The following RAE1 variants were observed in gnomAD, a reference collection of about 807,000 sequenced individuals.
The protein encoded by RAE1 is mRNA export factor RAE1.
A neutral mutation model predicts 52.7 loss-of-function variants in RAE1; 13 were observed. That is an observed-to-expected ratio of 0.25 (90% CI 0.16 to 0.39). The LOEUF (loss-of-function observed/expected upper bound fraction) is 0.39. Among genes scored for constraint, RAE1 ranks in the 10% least tolerant of loss-of-function variants. RAE1 has a pLI of 1.00. For missense variants in RAE1, 262 were observed against 459.8 expected, an observed-to-expected ratio of 0.57 and a Z score of 3.93; for synonymous variants, 164 against 153.1, an observed-to-expected ratio of 1.07 and a Z score of -0.52.
intron 1 of RAE1, 150 bp from the exon 2 acceptor site, chr20:57,353,882 A>C (rs1181447528): frequency 1.6e-6 from 1 of 606,564 alleles, no homozygotes; most frequent in Non-Finnish European, 2.9e-6. Context: ...ATGTTTTGAA[A>C]GCACTCTGCT....
In RAE1 at chr20:57,373,543, G is replaced by A. The variant is rs1412866267; in HGVS notation, c.711G>A (p.Glu237=). The change falls in exon 9 of 12, where the codon GAG becomes GAA. Residue 237 remains glutamate, a synonymous_variant. Transcript: ENST00000395841. ...KPTGFALGSI[E]GRVAIHYINP... ...CTGGTTTTGCCCTGGGAAGTATCGAGGGGAGAGTTGCTATTCACTATATCA... is the reference window on the plus strand; with the variant it reads ...CTGGTTTTGCCCTGGGAAGTATCGAAGGGAGAGTTGCTATTCACTATATCA... 7 of 1,614,104 alleles carry A rather than the reference G, an allele frequency of 4.3e-6. No individual in the cohort carries two copies. Among genetic ancestry groups the A allele is most frequent in the East Asian group, 2.2e-5 (1 of 44,872 alleles).
chr20:57,355,160 C>G (rs922925237), intron 3 of RAE1, among the ~76,000 whole-genome samples: 1 of 152,208 alleles, frequency 6.6e-6, no homozygotes, highest in African/African-American at 2.4e-5. Flanking sequence ...CAGTGTTCCT[C>G]AGGCATGTAT....
intron 1 of RAE1, among the ~76,000 whole-genome samples, chr20:57,352,270 C>T (rs895261808): frequency 6.6e-6 from 1 of 152,096 alleles, no homozygotes; most frequent in African/African-American, 2.4e-5. Flanking sequence ...TTTTCATCAC[C>T]CCAAGAAGTT....
rs867649308 is a variant in RAE1, at chr20:57,378,407, C to T, written c.*308C>T. On this transcript the variant is annotated 3_prime_UTR_variant, in exon 12 of 12. Coordinates refer to ENST00000395841, the MANE Select transcript of RAE1 (RefSeq NM_003610.4). Reference sequence around the variant, plus strand: ...TACGTGTTAGAGAATATTGGAAAAGCGTCTGTGAGCCCCGTGCTGTATTTT... The same window carrying T: ...TACGTGTTAGAGAATATTGGAAAAGTGTCTGTGAGCCCCGTGCTGTATTTT... 1.6e-5 allele frequency: 5 copies of T among 303,940 alleles called. No individual in the cohort carries two copies. The highest frequency in any genetic ancestry group is 1.1e-4 in the East Asian group (2 of 17,642). The allele number at this position is 303,940 out of a possible 1,614,324, so 18.8% of individuals were successfully genotyped here.
chr20:57,373,855 G>C, intron 10 of RAE1, 117 bp downstream of exon 10: 1 of 1,061,074 alleles, frequency 9.4e-7, no homozygotes, highest in Admixed American at 2.1e-5. Flanking sequence ...GTTCATGTCC[G>C]GAGATAAGTG....
At chr20:57,374,497 G>A in intron 10 of RAE1, 110 bp from the exon 11 acceptor site, 1 of 1,011,826 alleles carries the variant, frequency 9.9e-7, no homozygotes, top group Non-Finnish European at 1.5e-6. Flanking sequence ...CAGCTGGAAG[G>A]AAATGTACCT....
chr20:57,366,586 C>A (rs553655576), intron 5 of RAE1, among the ~76,000 whole-genome samples: 1 of 152,314 alleles, frequency 6.6e-6, no homozygotes, highest in Admixed American at 6.5e-5. Flanking sequence ...CACCAGGCCC[C>A]ACCTTCAACA....
At position 57,351,299 on chromosome 20, in the gene RAE1, G is replaced by T; in HGVS notation, c.-131G>T. On this transcript the variant is annotated 5_prime_UTR_variant, in exon 1 of 12. Coordinates refer to ENST00000395841, the MANE Select transcript of RAE1 (RefSeq NM_003610.4). Reference sequence around the variant, plus strand: ...CAGTTTCTACCGCAGGCTTAAGGAGGCTTCGGGCTCCTGGGATTTCTGTCC... The same window carrying T: ...CAGTTTCTACCGCAGGCTTAAGGAGTCTTCGGGCTCCTGGGATTTCTGTCC... 3 of 985,458 alleles carry T rather than the reference G, an allele frequency of 3.0e-6. No individual in the cohort carries two copies. The highest frequency in any genetic ancestry group is 3.6e-6 in the Non-Finnish European group (3 of 829,930). The allele number at this position is 985,458 out of a possible 1,614,324, so 61.0% of individuals were successfully genotyped here. A position where few individuals can be genotyped will look rare whatever the true frequency, so the allele number is the denominator to read the frequency against.
chr20:57,372,450 A>G (rs1209795679), intron 8 of RAE1: 1 of 152,258 alleles, frequency 6.6e-6, no homozygotes, highest in African/African-American at 2.4e-5. Flanking sequence ...GGTGCAAGTG[A>G]CACCCCTGGC....
At chr20:57,356,413 C>T (rs998841798) in intron 3 of RAE1, 33 bp from the exon 4 acceptor site, 5 of 1,553,768 alleles carry the variant, frequency 3.2e-6, no homozygotes, top group Non-Finnish European at 4.4e-6. Flanking sequence ...ATCGTAATTG[C>T]TTTGTTTGCA....
intron 3 of RAE1, 54 bp from the exon 4 acceptor site, chr20:57,356,392 G>A: frequency 7.0e-7 from 1 of 1,421,134 alleles, no homozygotes; most frequent in Non-Finnish European, 9.8e-7. Flanking sequence ...GGTGTTAAAT[G>A]CAAGCAATAC....
chr20:57,368,589 C>A, intron 7 of RAE1, 116 bp from the exon 8 acceptor site: 1 of 604,800 alleles, frequency 1.7e-6, no homozygotes, highest in South Asian at 2.5e-5. Context: ...AAATATAATC[C>A]CAGGATTATT....
chr20:57,374,542 G>A, intron 10 of RAE1, 65 bp from the exon 11 acceptor site: 1 of 1,421,856 alleles, frequency 7.0e-7, no homozygotes, highest in Non-Finnish European at 9.7e-7. Flanking sequence ...CAGGAAGTGT[G>A]CGTGGGTGGA....
At chr20:57,366,616 A>G (rs928677966) in intron 5 of RAE1, among the ~76,000 whole-genome samples, 191 bp from the exon 6 acceptor site, 6 of 152,064 alleles carry the variant, frequency 3.9e-5, no homozygotes, top group African/African-American at 1.5e-4. Flanking sequence ...ACATCTCAAC[A>G]TGGGATTTGG....
At chr20:57,373,403 G>A (rs972229397) in intron 8 of RAE1, 72 bp from the exon 9 acceptor site, 1 of 1,450,878 alleles carries the variant, frequency 6.9e-7, no homozygotes, top group South Asian at 1.2e-5. Flanking sequence ...GGGTAAAAAT[G>A]ACTTACCTTC....
At position 57,378,913 on chromosome 20, in the gene RAE1, C is replaced by G. The variant is rs2067151476; in HGVS notation, c.*814C>G. On this transcript the variant is annotated 3_prime_UTR_variant, in exon 12 of 12. Coordinates refer to ENST00000395841, the MANE Select transcript of RAE1 (RefSeq NM_003610.4). Reference sequence around the variant, plus strand: ...CCCGGTCCCCTGCATGGGAATTGCCCTGAACCCTCAGTAGTGGTTGTTTGG... The same window carrying G: ...CCCGGTCCCCTGCATGGGAATTGCCGTGAACCCTCAGTAGTGGTTGTTTGG... 1 of 152,230 alleles carries G rather than the reference C, an allele frequency of 6.6e-6. No individual in the cohort carries two copies. 9.4% of individuals were successfully genotyped at this position (152,230 alleles called of 1,614,324 possible). A position where few individuals can be genotyped will look rare whatever the true frequency, so the allele number is the denominator to read the frequency against.
chr20:57,357,148 A>G (rs1370069430), intron 4 of RAE1, among the ~76,000 whole-genome samples: 2 of 152,216 alleles, frequency 1.3e-5, no homozygotes, highest in Non-Finnish European at 2.9e-5. Context: ...TGCCTGCTGT[A>G]AAACTGAACC....
intron 4 of RAE1, among the ~76,000 whole-genome samples, chr20:57,360,808 T>A (rs2066880815): frequency 6.6e-6 from 1 of 152,236 alleles, no homozygotes; most frequent in African/African-American, 2.4e-5. Context: ...TATTACTAGA[T>A]TTAACACTGC....
intron 8 of RAE1, chr20:57,371,450 G>A (rs1158387916): frequency 6.6e-6 from 1 of 152,158 alleles, no homozygotes; most frequent in Non-Finnish European, 1.5e-5. Flanking sequence ...CCCAGCAGGT[G>A]TATGGAAATG....
Sources: allele counts gnomAD v4.1 joint callset (sites outside exome capture counted in the v4.1 genomes callset), GRCh38; gene constraint gnomAD v4.1.1; transcripts MANE v1.5; gene names NCBI Gene and HGNC (gene_info 2026-07-23, HGNC 2026-07-21).